Variants in RGS9 observed in about 807,000 individuals in gnomAD.
RGS9 encodes the protein regulator of G protein signaling 9.
Under a neutral mutation model 102.0 loss-of-function variants are expected in RGS9, and 78 were observed. The observed-to-expected ratio is 0.76, with a 90% CI of 0.64 to 0.92. The LOEUF (loss-of-function observed/expected upper bound fraction) is 0.92, where lower values mean the gene tolerates loss of function less well. Among genes scored for constraint, RGS9 ranks in the 40% least tolerant of loss-of-function variants. The pLI, the probability that RGS9 is intolerant of heterozygous loss-of-function variation, is 0.00. For synonymous variants in RGS9, 353 were observed against 318.6 expected (o/e 1.11, Z -1.15); for missense variants, 833 against 866.1 (o/e 0.96, Z 0.48).
At chr17:65,175,274 T>TGTGTGA (rs781331824) in intron 8 of RGS9, among the ~76,000 whole-genome samples, 1 of 151,838 alleles carries the variant, frequency 6.6e-6, no homozygotes, top group Non-Finnish European at 1.5e-5. Flanking sequence ...AGTGTGTGGG[T>TGTGTGA]GTGTGAGTGT....
chr17:65,219,291 T>C (rs576977861), intron 17 of RGS9, among the ~76,000 whole-genome samples: 1 of 152,256 alleles, frequency 6.6e-6, no homozygotes, highest in Non-Finnish European at 1.5e-5. Flanking sequence ...GAAATTCTCA[T>C]GTTTGGTAGT....
Position 65,193,562 on chromosome 17 carries a change from C to T in RGS9, c.766C>T (p.Gln256Ter). Residue 256 changes from glutamine to a stop codon, truncating the protein, a stop_gained, in exon 12 of 19, where the codon CAG (glutamine) becomes TAG (stop). Coordinates refer to ENST00000262406, the MANE Select transcript of RGS9 (RefSeq NM_003835.4). LOFTEE classifies it high-confidence loss of function. ...SLGGIVKYSE[Q>*]FSSNDAIMSG... ...TTTCAGGATTGTGAAATACAGTGAG[C>T]AGTTCTCATCCAACGATGCCATCAT... 1 of 1,611,086 alleles carries T rather than the reference C, an allele frequency of 6.2e-7. No individual in the cohort carries two copies. Among genetic ancestry groups the T allele is most frequent in the Non-Finnish European group, 8.5e-7 (1 of 1,177,240 alleles).
chr17:65,166,106 G>A (rs1246353400), intron 7 of RGS9, among the ~76,000 whole-genome samples: 1 of 152,156 alleles, frequency 6.6e-6, no homozygotes, highest in Non-Finnish European at 1.5e-5. Flanking sequence ...ATCAGGGAGG[G>A]TTGTTAGATT....
At chr17:65,198,104 C>T (rs560710504) in intron 13 of RGS9, among the ~76,000 whole-genome samples, 15 of 152,258 alleles carry the variant, frequency 9.9e-5, no homozygotes, top group African/African-American at 3.4e-4. Context: ...GTTTTGGAAA[C>T]TCCCCAGATG....
At chr17:65,190,384 C>T (rs2144064785) in intron 11 of RGS9, 148 bp downstream of exon 11, 1 of 773,180 alleles carries the variant, frequency 1.3e-6, no homozygotes, top group East Asian at 2.4e-5. Flanking sequence ...GGGCTTAGTT[C>T]CTAGTTCATC....
At position 65,160,346 on chromosome 17, in the gene RGS9, C is replaced by G; in HGVS notation, c.312+7C>G. 6.2e-7 allele frequency: 1 copy of G among 1,608,584 alleles called. No individual in the cohort carries two copies. The highest frequency in any genetic ancestry group is 8.5e-7 in the Non-Finnish European group (1 of 1,174,948). On this transcript the variant is annotated splice_region_variant and intron_variant, in intron 4 of 18. Transcript: ENST00000262406. The stretch of plus-strand genomic sequence containing the variant: ...CAGCCTCTACAGATTTCAGGTGAGT[C>G]TTGGCCTTGACCCTGGCTGTTCATA...
At chr17:65,137,958 A>G (rs189948677) in intron 1 of RGS9, among the ~76,000 whole-genome samples, 208 of 152,170 alleles carry the variant, frequency 1.4e-3, no homozygotes, top group African/African-American at 4.3e-3. Flanking sequence ...TTTTTTTCTG[A>G]TCCCAAACTG....
At chr17:65,202,444 T>TGTGAGAGAGAGA (rs3838367) in intron 14 of RGS9, among the ~76,000 whole-genome samples, 4 of 131,706 alleles carry the variant, frequency 3.0e-5, no homozygotes, top group African/African-American at 6.2e-5. Flanking sequence ...TGTGTGTGTG[T>TGTGAGAGAGAGA]GAGAGAGAGA....
chr17:65,162,824 T>G lies in RGS9; in HGVS notation c.424-189T>G, dbSNP rs188450976. ...AAACCAATAAAAGTGAGGCTTCTTG[T>G]GAAAGTGTTTTGAGAATTCAGCTGC... is the stretch of plus-strand genomic sequence containing the variant. On this transcript the variant is annotated intron_variant, in intron 6 of 18. Coordinates refer to ENST00000262406, the MANE Select transcript of RGS9 (RefSeq NM_003835.4). Among the ~76,000 whole-genome samples the G allele has an allele frequency of 2.6e-3, 402 of 152,262 alleles. 2 individuals are homozygous for G. The highest frequency in any genetic ancestry group is 9.3e-3 in the African/African-American group (388 of 41,558).
intron 1 of RGS9, among the ~76,000 whole-genome samples, chr17:65,145,550 A>ATT (rs776371602): frequency 1.2e-4 from 13 of 108,046 alleles, no homozygotes; most frequent in African/African-American, 5.5e-4. Context: ...ACTCCTGGCT[A>ATT]TTTTTTTTTT....
intron 4 of RGS9, 30 bp downstream of exon 4, chr17:65,160,369 A>G: frequency 6.3e-7 from 1 of 1,582,882 alleles, no homozygotes; most frequent in Non-Finnish European, 8.7e-7. Context: ...CTGGCTGTTC[A>G]TATGGGGTTG....
intron 6 of RGS9, 101 bp from the exon 7 acceptor site, chr17:65,162,912 A>G: frequency 1.4e-6 from 1 of 715,248 alleles, no homozygotes; most frequent in Non-Finnish European, 2.6e-6. Flanking sequence ...CATGGTTGCC[A>G]TGAGCCAGGG....
chr17:65,168,603 A>G (rs1444861897), intron 8 of RGS9, among the ~76,000 whole-genome samples: 1 of 137,172 alleles, frequency 7.3e-6, no homozygotes, highest in Admixed American at 7.9e-5. Flanking sequence ...GAATATAAGG[A>G]GAAAAAATTA....
At chr17:65,194,819 G>C (rs57941427) in intron 12 of RGS9, among the ~76,000 whole-genome samples, 36,982 of 152,108 alleles carry the variant, frequency 0.24, 5,505 homozygotes, top group African/African-American at 0.38. Flanking sequence ...ATAGGTCACA[G>C]CTTGGGTCAA....
chr17:65,160,931 G>A (rs1779160218), intron 6 of RGS9, 22 bp downstream of exon 6: 2 of 1,591,472 alleles, frequency 1.3e-6, no homozygotes, highest in Non-Finnish European at 1.7e-6. Flanking sequence ...CTTTTAAGTA[G>A]AGGTTGTTAT....
intron 13 of RGS9, among the ~76,000 whole-genome samples, chr17:65,201,108 CACACACACACAG>C (rs966265665): frequency 1.5e-5 from 2 of 136,942 alleles, no homozygotes; most frequent in African/African-American, 2.8e-5. Flanking sequence ...TTTACACACA[CACACACACACAG>C]ACACACACAC....
chr17:65,152,133 G>A (rs1598562071), intron 1 of RGS9, among the ~76,000 whole-genome samples: 1 of 152,350 alleles, frequency 6.6e-6, no homozygotes, highest in Admixed American at 6.5e-5. Flanking sequence ...GGAATGGTCA[G>A]GGTGGGCCTC....
At chr17:65,139,777 G>A (rs891640503) in intron 1 of RGS9, among the ~76,000 whole-genome samples, 2 of 152,186 alleles carry the variant, frequency 1.3e-5, no homozygotes, top group Non-Finnish European at 2.9e-5. Flanking sequence ...GCTGGCAAGG[G>A]CCCTGTCTAT....
At position 65,189,330 on chromosome 17, in the gene RGS9, A is replaced by C. The variant is rs1329949339; in HGVS notation, c.684+15A>C. 2 of 1,594,952 alleles carry C rather than the reference A, an allele frequency of 1.3e-6. No individual in the cohort carries two copies. Among genetic ancestry groups the C allele is most frequent in the Admixed American group, 1.7e-5 (1 of 59,982 alleles). The stretch of plus-strand genomic sequence containing the variant: ...TCAAAAAAGAGGTAATTAGTCTTAC[A>C]CTTCCAGTGAAGAATGGTTTTAAAT... On this transcript the variant is annotated intron_variant, in intron 10 of 18. Transcript: ENST00000262406.
Sources: gnomAD v4.1 joint callset for allele counts (sites outside exome capture counted in the v4.1 genomes callset) on GRCh38, gnomAD v4.1.1 for gene constraint, MANE v1.5 for transcripts, NCBI Gene and HGNC (gene_info 2026-07-23, HGNC 2026-07-21) for gene names.